HPSE2: variants seen among roughly 807,000 people sequenced by gnomAD.
The protein encoded by HPSE2 is heparanase 2 (inactive).
HPSE2 carries 38 observed loss-of-function variants against 60.5 expected under a neutral mutation model. The observed-to-expected ratio is 0.63, with a 90% CI of 0.48 to 0.82. The LOEUF is 0.82. Ranked by LOEUF, HPSE2 falls within the 40% of genes least tolerant of loss-of-function variation. The pLI, the probability that HPSE2 is intolerant of heterozygous loss-of-function variation, is 0.00. For missense variants in HPSE2, 713 were observed against 740.4 expected (o/e 0.96, Z 0.43); for synonymous variants, 295 against 293.2 (o/e 1.01, Z -0.06).
chr10:99,163,375 A>C (rs1846925358), intron 2 of HPSE2, among the ~76,000 whole-genome samples: 1 of 152,186 alleles, frequency 6.6e-6, no homozygotes, highest in Non-Finnish European at 1.5e-5. Flanking sequence ...ATAGTTCAAA[A>C]ATACGTAAAG....
At chr10:98,744,914 C>G (rs149545685) in intron 3 of HPSE2, among the ~76,000 whole-genome samples, 1 of 152,180 alleles carries the variant, frequency 6.6e-6, no homozygotes, top group Non-Finnish European at 1.5e-5. Context: ...ACTACAAATA[C>G]GTTCATTGCC....
intron 9 of HPSE2, among the ~76,000 whole-genome samples, chr10:98,554,206 T>C (rs573435036): frequency 2.0e-5 from 3 of 152,186 alleles, no homozygotes; most frequent in Non-Finnish European, 2.9e-5. Context: ...CTCCTCTCCA[T>C]AGGCTTCCAG....
chr10:99,156,472 G>T (rs1324344848), intron 2 of HPSE2, among the ~76,000 whole-genome samples: 1 of 136,060 alleles, frequency 7.3e-6, no homozygotes, highest in South Asian at 2.6e-4. Flanking sequence ...ATGTAATCCA[G>T]CATATAAACA....
chr10:99,029,431 T>A (rs1259976474), intron 3 of HPSE2, among the ~76,000 whole-genome samples: 1 of 152,052 alleles, frequency 6.6e-6, no homozygotes, highest in South Asian at 2.1e-4. Context: ...CTACCACCAA[T>A]GCGCAGAGAC....
At chr10:98,533,957 T>C (rs1306861497) in intron 9 of HPSE2, among the ~76,000 whole-genome samples, 1 of 152,240 alleles carries the variant, frequency 6.6e-6, no homozygotes, top group Non-Finnish European at 1.5e-5. Flanking sequence ...CCAGACTTTT[T>C]GTTGGTATCC....
chr10:99,183,703 T>G (rs1847865576), intron 2 of HPSE2, among the ~76,000 whole-genome samples: 1 of 152,216 alleles, frequency 6.6e-6, no homozygotes, highest in Non-Finnish European at 1.5e-5. Flanking sequence ...TCTCAGTCAT[T>G]GGCCTTCTGT....
At chr10:98,783,088 C>A (rs1346332726) in intron 3 of HPSE2, among the ~76,000 whole-genome samples, 1 of 61,066 alleles carries the variant, frequency 1.6e-5, no homozygotes, top group Non-Finnish European at 3.2e-5. Context: ...TATCCCTCCC[C>A]CCTCCCCCGA....
At chr10:98,647,386 C>T (rs1327559893) in intron 6 of HPSE2, among the ~76,000 whole-genome samples, 1 of 152,224 alleles carries the variant, frequency 6.6e-6, no homozygotes, top group African/African-American at 2.4e-5. Flanking sequence ...TATTATCTGA[C>T]CCCTTCTTTT....
intron 3 of HPSE2, among the ~76,000 whole-genome samples, chr10:98,760,943 G>A (rs1949990627): frequency 6.6e-6 from 1 of 152,038 alleles, no homozygotes; most frequent in East Asian, 1.9e-4. Context: ...AATCCATCTG[G>A]TCCTGGGCTT....
intron 3 of HPSE2, among the ~76,000 whole-genome samples, chr10:99,106,883 T>G (rs1844269392): frequency 6.6e-6 from 1 of 152,128 alleles, no homozygotes; most frequent in South Asian, 2.1e-4. Flanking sequence ...GTTTTTGTTG[T>G]TTTTTGAGAT....
At chr10:98,731,029 A>C (rs1949214551) in intron 4 of HPSE2, among the ~76,000 whole-genome samples, 1 of 152,222 alleles carries the variant, frequency 6.6e-6, no homozygotes, top group Non-Finnish European at 1.5e-5. Context: ...TCACGCCTAT[A>C]ATCCCAACAC....
intron 9 of HPSE2, among the ~76,000 whole-genome samples, chr10:98,594,058 A>C (rs897602973): frequency 2.6e-4 from 40 of 152,130 alleles, no homozygotes; most frequent in African/African-American, 9.7e-4. Flanking sequence ...TTGGTGTGCA[A>C]CATGTTTTGA....
At chr10:98,867,470 G>A (rs529317123) in intron 3 of HPSE2, among the ~76,000 whole-genome samples, 1 of 152,030 alleles carries the variant, frequency 6.6e-6, no homozygotes, top group Non-Finnish European at 1.5e-5. Flanking sequence ...CAGTCAAAAT[G>A]GCTTTTATAC....
intron 3 of HPSE2, among the ~76,000 whole-genome samples, chr10:99,058,962 C>T (rs1309084717): frequency 6.6e-6 from 1 of 152,170 alleles, no homozygotes; most frequent in East Asian, 1.9e-4. Flanking sequence ...TTCAACTTTG[C>T]TGTTGTAGCA....
At chr10:99,303,708 A>T in the HPSE2 span, among the ~76,000 whole-genome samples, 1 of 152,226 alleles carries the variant, frequency 6.6e-6, no homozygotes, top group African/African-American at 2.4e-5. Flanking sequence ...GATCTCTGCT[A>T]CTTGCTTAAA....
rs541067481 is a variant in HPSE2, at chr10:98,939,728, A to G, written c.611-195672T>C. 1.3e-4 allele frequency among the ~76,000 whole-genome samples: 19 copies of G among 144,074 alleles called. 3 individuals are homozygous for G. The highest frequency in any genetic ancestry group is 5.1e-4 in the African/African-American group (18 of 35,592). 94.5% of individuals were successfully genotyped at this position (144,074 alleles called of 152,430 possible). On this transcript the variant is annotated intron_variant, in intron 3 of 11. Coordinates refer to ENST00000370552, the MANE Select transcript of HPSE2 (RefSeq NM_021828.5). ...AACTGAACTCAGCTCTGCACCAAGC[A>G]GACCTAATAGACATCCACAGAACTC...
In HPSE2 at chr10:99,019,825, C is replaced by T. The variant is rs115410733; in HGVS notation, c.610+124413G>A. Reference sequence around the variant, plus strand: ...CCCAGATTCAAGCAATTCTCTCCCCCGTCAGCTTCCCTAGTAGCTGAGATT... The same window carrying T: ...CCCAGATTCAAGCAATTCTCTCCCCTGTCAGCTTCCCTAGTAGCTGAGATT... On this transcript the variant is annotated intron_variant, in intron 3 of 11. Transcript: ENST00000370552. 5.7e-3 allele frequency among the ~76,000 whole-genome samples: 863 copies of T among 151,952 alleles called. 9 individuals carry two copies. The highest frequency in any genetic ancestry group is 0.02 in the African/African-American group (820 of 41,434).
chr10:99,072,657 G>A (rs566441245), intron 3 of HPSE2, among the ~76,000 whole-genome samples: 14 of 152,204 alleles, frequency 9.2e-5, no homozygotes, highest in East Asian at 1.9e-4. Context: ...CGGGCATGGC[G>A]GCTCATGCCT....
At chr10:99,214,852 G>C (rs1849067634) in intron 2 of HPSE2, among the ~76,000 whole-genome samples, 2 of 152,084 alleles carry the variant, frequency 1.3e-5, no homozygotes, top group Non-Finnish European at 2.9e-5. Flanking sequence ...CAACATCACT[G>C]ATCATTAGAG....
Sources: gnomAD v4.1 joint callset for allele counts (sites outside exome capture counted in the v4.1 genomes callset) on GRCh38, gnomAD v4.1.1 for gene constraint, MANE v1.5 for transcripts, NCBI Gene and HGNC (gene_info 2026-07-23, HGNC 2026-07-21) for gene names.